PGAP2: variants seen among roughly 807,000 people sequenced by gnomAD.
PGAP2 encodes post-GPI attachment to proteins 2, also known as acyltransferase PGAP2.
PGAP2 carries 21 observed loss-of-function variants against 33.2 expected under a neutral mutation model. The ratio of observed to expected loss-of-function variants is 0.63; its 90% confidence interval spans 0.45 to 0.91. PGAP2 has a LOEUF of 0.91. Among genes scored for constraint, PGAP2 ranks in the 40% least tolerant of loss-of-function variants. PGAP2 has a pLI of 0.00. For synonymous variants in PGAP2, 161 were observed against 172.9 expected (o/e 0.93, Z 0.54); for missense variants, 345 against 424.0 (o/e 0.81, Z 1.64).
At chr11:3,814,683 G>A (rs1184511232) in intron 2 of PGAP2, among the ~76,000 whole-genome samples, 1 of 151,496 alleles carries the variant, frequency 6.6e-6, no homozygotes, top group African/African-American at 2.4e-5. Flanking sequence ...AGAGTGCTAG[G>A]ATTACAGGCT....
intron 1 of PGAP2, chr11:3,798,124 C>A: frequency 6.9e-7 from 1 of 1,458,784 alleles, no homozygotes; most frequent in Non-Finnish European, 9.0e-7. Flanking sequence ...AAGAGTTTGC[C>A]CGAGGCTTCT....
chr11:3,825,011 A>G lies in PGAP2; in HGVS notation c.709-9A>G. 1.2e-6 allele frequency: 2 copies of G among 1,614,170 alleles called. No individual in the cohort carries two copies. Among genetic ancestry groups the G allele is most frequent in the Non-Finnish European group, 1.7e-6 (2 of 1,180,002 alleles). On this transcript the variant is annotated splice_polypyrimidine_tract_variant and intron_variant, in intron 5 of 6. Transcript: ENST00000278243. ...AAGCTGCAGAGTGATCAGACAGCCCATTCCCTAGGATCGCAAGTCCTACAG... is the reference window on the plus strand; with the variant it reads ...AAGCTGCAGAGTGATCAGACAGCCCGTTCCCTAGGATCGCAAGTCCTACAG...
intron 2 of PGAP2, among the ~76,000 whole-genome samples, chr11:3,813,207 G>A (rs1337166166): frequency 1.3e-5 from 2 of 152,198 alleles, no homozygotes; most frequent in Non-Finnish European, 2.9e-5. Flanking sequence ...GAGTGAGAAA[G>A]TATTTGGGTT....
intron 1 of PGAP2, among the ~76,000 whole-genome samples, chr11:3,810,654 G>A (rs1341730068): frequency 5.3e-5 from 8 of 152,188 alleles, no homozygotes; most frequent in African/African-American, 1.7e-4. Context: ...CTGGGGGCAC[G>A]TGAGGGAGCA....
chr11:3,814,808 CTTTCTCT>C (rs1399065296), intron 2 of PGAP2, among the ~76,000 whole-genome samples: 1 of 121,706 alleles, frequency 8.2e-6, no homozygotes, highest in South Asian at 2.8e-4. Context: ...TTCTTTCTTT[CTTTCTCT>C]TTCTTTCTTT....
upstream of PGAP2, among the ~76,000 whole-genome samples, chr11:3,803,746 C>G (rs1366871890): frequency 6.7e-6 from 1 of 149,744 alleles, no homozygotes; most frequent in Non-Finnish European, 1.5e-5. Flanking sequence ...GGCTTTTAAC[C>G]AGAACATTTA....
intron 3 of PGAP2, among the ~76,000 whole-genome samples, chr11:3,820,312 G>C (rs2088234573): frequency 1.3e-5 from 2 of 152,150 alleles, no homozygotes; most frequent in South Asian, 4.1e-4. Flanking sequence ...AGGAAATTTT[G>C]TCTTCTGAAA....
chr11:3,810,190 A>G (rs1380345717), intron 1 of PGAP2, among the ~76,000 whole-genome samples: 2 of 152,028 alleles, frequency 1.3e-5, no homozygotes, highest in South Asian at 2.1e-4. Context: ...TGCCTCATCT[A>G]TGTAGATTTT....
rs146962851 is a variant in PGAP2, at chr11:3,824,078, G to A, written c.544G>A (p.Val182Ile). ...CTGCCGCCTCAACTTCGGCCTCAATGTCGTGGAGAACCTCGCGTTGCTAGT... is the reference window on the plus strand; with the variant it reads ...CTGCCGCCTCAACTTCGGCCTCAATATCGTGGAGAACCTCGCGTTGCTAGT... ...PLCRLNFGLN[V>I]VENLALLVLT... Residue 182 changes from valine to isoleucine, a missense_variant, in exon 4 of 7, where the codon GTC becomes ATC. By Grantham distance (29) the Val-to-Ile change is conservative. Coordinates refer to ENST00000278243, the MANE Select transcript of PGAP2 (RefSeq NM_014489.4). The A allele has an allele frequency of 3.9e-4, 625 of 1,614,216 alleles. 4 individuals are homozygous for A. The African/African-American group carries it at 7.5e-3, about 19-fold the overall frequency.
chr11:3,797,935 G>A lies in PGAP2; in HGVS notation c.92G>A (p.Gly31Glu), dbSNP rs762642892. 225 of 1,548,462 alleles carry A rather than the reference G, an allele frequency of 1.5e-4. No individual in the cohort carries two copies. Among genetic ancestry groups the A allele is most frequent in the Non-Finnish European group, 1.9e-4 (220 of 1,145,530 alleles). The change falls in exon 1 of 7, where the codon GGG becomes GAG. Residue 31 changes from glycine to glutamate, a missense_variant. By Grantham distance (98) the Gly-to-Glu change is moderately conservative (BLOSUM62 -2). Coordinates refer to the PGAP2 transcript ENST00000300730. ...CCCTTCCTTGGAGCGCCGCGACTCG[G>A]GCTGAGGGAGCTCGGGCCAATCAGA...
chr11:3,798,043 C>G, intron 1 of PGAP2: 10 of 1,526,964 alleles, frequency 6.5e-6, no homozygotes, highest in Non-Finnish European at 6.1e-6. Context: ...GCTTCCTAGT[C>G]TCTCTGCCCG....
At chr11:3,797,834 G>A (rs769606483) in exon 1 of PGAP2, 1 of 1,550,052 alleles carries the variant, frequency 6.5e-7, no homozygotes, top group Admixed American at 2.0e-5. Context: ...CTCTCGAAGT[G>A]GGCTTGTGAA....
chr11:3,797,759 G>A (rs966628854), upstream of PGAP2: 14 of 1,487,934 alleles, frequency 9.4e-6, no homozygotes, highest in Non-Finnish European at 1.2e-5. Flanking sequence ...AGCGGTGAGA[G>A]GGCCGTGGAG....
chr11:3,814,417 T>C (rs2898943), intron 2 of PGAP2, among the ~76,000 whole-genome samples: 122,841 of 152,006 alleles, frequency 0.81, 50,111 homozygotes, highest in Non-Finnish European at 0.87. Flanking sequence ...CCACCACACC[T>C]GGCTAATTTT....
rs1040871921 is a variant in PGAP2 at position 3,797,928 on chromosome 11, C to G, written c.85C>G (p.Arg29Gly). 3 of 1,548,006 alleles carry G rather than the reference C, an allele frequency of 1.9e-6. 1 individual carries two copies. Among genetic ancestry groups the G allele is most frequent in the South Asian group, 2.4e-5 (2 of 83,914 alleles). Reference sequence around the variant, plus strand: ...CTCCGCCCCCTTCCTTGGAGCGCCGCGACTCGGGCTGAGGGAGCTCGGGCC... The same window carrying G: ...CTCCGCCCCCTTCCTTGGAGCGCCGGGACTCGGGCTGAGGGAGCTCGGGCC... The change falls in exon 1 of 7, where the codon CGA becomes GGA. Residue 29 changes from arginine to glycine, a missense_variant. Coordinates refer to the PGAP2 transcript ENST00000300730.
At chr11:3,824,642 T>A (rs1021680384) in intron 5 of PGAP2, 1 of 702,762 alleles carries the variant, frequency 1.4e-6, no homozygotes. Flanking sequence ...AGGAGTCGCA[T>A]CTAGGCGGCA....
rs746149279 is a variant in PGAP2, at chr11:3,817,393, T to C, written c.206T>C (p.Leu69Ser). The change falls in exon 3 of 7, where the codon TTG (leucine) becomes TCG (serine). Residue 69 changes from leucine to serine, a missense_variant. Coordinates refer to ENST00000278243, the MANE Select transcript of PGAP2 (RefSeq NM_014489.4). Reference protein sequence around the residue: ...CRMFSAASQPLDPDGTLFRLR... With the variant: ...CRMFSAASQPSDPDGTLFRLR... ...ATGTTCTCTGCGGCCTCCCAGCCTT[T>C]GGACCCCGATGGGACCTTGTTCCGG... 1.1e-5 allele frequency: 18 copies of C among 1,613,158 alleles called. No homozygotes were observed. Among genetic ancestry groups the C allele is most frequent in the Middle Eastern group, 1.6e-4 (1 of 6,072 alleles).
At chr11:3,798,112 C>T in intron 1 of PGAP2, 3 of 1,472,894 alleles carry the variant, frequency 2.0e-6, no homozygotes, top group Non-Finnish European at 1.8e-6. Context: ...TCTGTCTGTC[C>T]AAAGAGTTTG....
upstream of PGAP2, among the ~76,000 whole-genome samples, chr11:3,804,918 T>C (rs1263236184): frequency 1.3e-5 from 2 of 152,170 alleles, no homozygotes; most frequent in Non-Finnish European, 2.9e-5. Flanking sequence ...GCCAGACTGG[T>C]CTCGAACTCG....
Sources: gnomAD v4.1 joint callset for allele counts (sites outside exome capture counted in the v4.1 genomes callset) on GRCh38, gnomAD v4.1.1 for gene constraint, MANE v1.5 for transcripts, NCBI Gene and HGNC (gene_info 2026-07-23, HGNC 2026-07-21) for gene names.